Variants in YEATS2 observed in about 807,000 individuals in gnomAD.
YEATS2 encodes YEATS domain-containing protein 2.
A neutral mutation model predicts 163.2 loss-of-function variants in YEATS2; 77 were observed. The observed-to-expected ratio is 0.47, with a 90% CI of 0.39 to 0.57. The LOEUF (loss-of-function observed/expected upper bound fraction) is 0.57. Ranked by LOEUF, YEATS2 falls within the 20% of genes least tolerant of loss-of-function variation. The probability of loss-of-function intolerance (pLI) is 0.00; values close to 1 mark genes in which losing one functional copy is unlikely to be tolerated. For missense variants in YEATS2, 1,549 were observed against 1,729.8 expected (o/e 0.90, Z 1.85); for synonymous variants, 631 against 645.1 (o/e 0.98, Z 0.33).
Position 183,737,450 on chromosome 3 carries a change from T to C in YEATS2, c.924+621T>C, listed in dbSNP as rs1381896592. Among the ~76,000 whole-genome samples the C allele has an allele frequency of 3.9e-5, 6 of 152,222 alleles. No homozygotes were observed. In the East Asian group the frequency reaches 9.6e-4, roughly 24 times the overall value. ...CCATCAGAGAGAGAGAGAATCACTT[T>C]AGAGGACAATGCATATCCTTTAAAA... On this transcript the variant is annotated intron_variant, in intron 8 of 30. Coordinates refer to ENST00000305135, the MANE Select transcript of YEATS2 (RefSeq NM_018023.5).
chr3:183,777,540 A>G lies in YEATS2; in HGVS notation c.2578-2A>G. 6.2e-7 allele frequency: 1 copy of G among 1,611,774 alleles called. No homozygotes were observed. The highest frequency in any genetic ancestry group is 8.5e-7 in the Non-Finnish European group (1 of 1,179,360). On this transcript the variant is annotated splice_acceptor_variant, in intron 18 of 30. Transcript: ENST00000305135. LOFTEE classifies it high-confidence loss of function. ...AGTTCTTTATATTTTTTTCTAACTT[A>G]GGGCACATTTTTAGTTGGCCAGCCA... is the stretch of plus-strand genomic sequence containing the variant.
In YEATS2 at chr3:183,810,678, G is replaced by A; in HGVS notation, c.*95G>A. The A allele has an allele frequency of 8.6e-7, 1 of 1,160,460 alleles. No homozygotes were observed. The highest frequency in any genetic ancestry group is 1.3e-5 in the South Asian group (1 of 75,220). 71.9% of individuals were successfully genotyped at this position (1,160,460 alleles called of 1,614,324 possible). A position where few individuals can be genotyped will look rare whatever the true frequency, so the allele number is the denominator to read the frequency against. ...TCGGGAAGGAGGTGGTTTCCAGTGT[G>A]ACTCGGCATGTCATGGCTACCCAAC... On this transcript the variant is annotated 3_prime_UTR_variant, in exon 31 of 31. Coordinates refer to ENST00000305135, the MANE Select transcript of YEATS2 (RefSeq NM_018023.5).
At position 183,806,420 on chromosome 3, in the gene YEATS2, C is replaced by G. The variant is rs1457109990; in HGVS notation, c.3785-446C>G. The stretch of plus-strand genomic sequence containing the variant: ...CCTGATTAGGTTTTGTATAAATCAC[C>G]TTATTAGAGACTGGACCCATAATAT... On this transcript the variant is annotated intron_variant, in intron 27 of 30. Transcript: ENST00000305135. The G allele has an allele frequency of 8.8e-6, 4 of 456,758 alleles. No homozygotes were observed. The Admixed American group carries it at 9.4e-5, about 11-fold the overall frequency. The allele number at this position is 456,758 out of a possible 1,614,324, so 28.3% of individuals were successfully genotyped here.
intron 1 of YEATS2, among the ~76,000 whole-genome samples, chr3:183,699,298 A>G (rs2108944673): frequency 6.6e-6 from 1 of 151,958 alleles, no homozygotes; most frequent in South Asian, 2.1e-4. Context: ...AGGTGGGAAA[A>G]ACGAATTCTA....
rs116087641 is a variant in YEATS2, at chr3:183,702,004, A to G, written c.-20+4011A>G. ...CTGAACATCTCACAGTTACTTTCCA[A>G]TGGGCTCATATTTCACCTCTACCTT... On this transcript the variant is annotated intron_variant, in intron 1 of 30. Coordinates refer to ENST00000305135, the MANE Select transcript of YEATS2 (RefSeq NM_018023.5). Among the ~76,000 whole-genome samples the G allele has an allele frequency of 6.4e-3, 974 of 152,270 alleles. 6 individuals carry two copies. The highest frequency in any genetic ancestry group is 0.021 in the African/African-American group (889 of 41,536).
At chr3:183,773,876 C>G in intron 17 of YEATS2, 82 bp downstream of exon 17, 2 of 1,456,246 alleles carry the variant, frequency 1.4e-6, no homozygotes, top group Non-Finnish European at 1.8e-6. Context: ...GCAGTTCTTA[C>G]CTGTTTCAGG....
At chr3:183,793,177 T>A (rs1724821524) in intron 21 of YEATS2, 5 of 1,287,718 alleles carry the variant, frequency 3.9e-6, no homozygotes, top group Admixed American at 2.3e-5. Flanking sequence ...ATCACCGAGA[T>A]ACACACACAC....
At chr3:183,752,512 A>G (rs1381953286) in intron 10 of YEATS2, among the ~76,000 whole-genome samples, 1 of 151,966 alleles carries the variant, frequency 6.6e-6, no homozygotes, top group African/African-American at 2.4e-5. Flanking sequence ...GATTAAGACC[A>G]TCCTGACTAA....
chr3:183,775,074 C>A (rs1283677608), intron 17 of YEATS2, among the ~76,000 whole-genome samples: 1 of 151,938 alleles, frequency 6.6e-6, no homozygotes, highest in Non-Finnish European at 1.5e-5. Flanking sequence ...CATTATCTCA[C>A]CAAAAGAGAA....
chr3:183,767,064 A>G lies in YEATS2; in HGVS notation c.1947+4785A>G, dbSNP rs79777294. On this transcript the variant is annotated intron_variant, in intron 15 of 30. Transcript: ENST00000305135. ...TTACACCTTCTTAGTGGTGTCCATA[A>G]TCAGCTGCAGAGTTTTTCCCAACAG... Among the ~76,000 whole-genome samples, 587 of 152,310 alleles carry G rather than the reference A, an allele frequency of 3.9e-3. 4 individuals carry two copies. The highest frequency in any genetic ancestry group is 0.014 in the African/African-American group (562 of 41,558).
At chr3:183,791,087 G>A (rs748507964) in intron 21 of YEATS2, 107 bp downstream of exon 21, 52 of 1,429,784 alleles carry the variant, frequency 3.6e-5, no homozygotes, top group Middle Eastern at 2.0e-4. Flanking sequence ...AAGCTAGAGT[G>A]CAATATCACA....
chr3:183,751,181 G>A (rs972555780), intron 9 of YEATS2, among the ~76,000 whole-genome samples: 1 of 152,116 alleles, frequency 6.6e-6, no homozygotes, highest in African/African-American at 2.4e-5. Context: ...AGTTTCCCTG[G>A]CACCATTTGC....
chr3:183,803,302 T>C lies in YEATS2; in HGVS notation c.3549T>C (p.Tyr1183=), dbSNP rs745444887. 6.2e-7 allele frequency: 1 copy of C among 1,611,892 alleles called. No individual in the cohort carries two copies. The highest frequency in any genetic ancestry group is 8.5e-7 in the Non-Finnish European group (1 of 1,179,856). ...CTGCAAAGTCTGTGGAGCAGTACTA[T>C]GGCTGGAACATTGGAAAAAGGAGAG... ...CFSAKSVEQY[Y]GWNIGKRRAA... Residue 1183 remains tyrosine, a synonymous_variant, in exon 26 of 31, where the codon TAT becomes TAC. Coordinates refer to ENST00000305135, the MANE Select transcript of YEATS2 (RefSeq NM_018023.5).
chr3:183,760,630 A>G (rs1721250340), intron 13 of YEATS2, among the ~76,000 whole-genome samples: 1 of 152,168 alleles, frequency 6.6e-6, no homozygotes, highest in South Asian at 2.1e-4. Flanking sequence ...CCAGAACTAC[A>G]GAAGTTTTGA....
At chr3:183,712,389 T>G (rs1715365333) in intron 1 of YEATS2, among the ~76,000 whole-genome samples, 1 of 151,394 alleles carries the variant, frequency 6.6e-6, no homozygotes. Flanking sequence ...TTTTGTATTT[T>G]TAGTAGAGAC....
intron 10 of YEATS2, among the ~76,000 whole-genome samples, chr3:183,753,274 A>G (rs529928350): frequency 1.3e-5 from 2 of 152,340 alleles, no homozygotes; most frequent in South Asian, 2.1e-4. Flanking sequence ...TAACAAATAT[A>G]TGTGTATAAA....
chr3:183,734,970 A>C (rs1718186589), intron 7 of YEATS2, among the ~76,000 whole-genome samples: 1 of 152,152 alleles, frequency 6.6e-6, no homozygotes, highest in South Asian at 2.1e-4. Flanking sequence ...CATTTCCATA[A>C]ATAGTGTTGT....
Position 183,772,461 on chromosome 3 carries a change from G to A in YEATS2, c.2104G>A (p.Val702Met). ...AACCCAAGGAGTTGCCAAAGCAATT[G>A]TGAGTGGAGGTGGAGGAACCATTGT... ...VVTQGVAKAI[V>M]SGGGGTIVAQ... is the part of the protein sequence containing the mutation. Residue 702 changes from valine (V) to methionine (M), a missense_variant, in exon 16 of 31, where the codon GTG (valine) becomes ATG (methionine). Coordinates refer to ENST00000305135, the MANE Select transcript of YEATS2 (RefSeq NM_018023.5). 6.2e-7 allele frequency: 1 copy of A among 1,614,154 alleles called. No homozygotes were observed. The highest frequency in any genetic ancestry group is 8.5e-7 in the Non-Finnish European group (1 of 1,180,004).
chr3:183,731,937 A>G (rs1168758239), intron 7 of YEATS2, among the ~76,000 whole-genome samples: 1 of 152,088 alleles, frequency 6.6e-6, no homozygotes, highest in Non-Finnish European at 1.5e-5. Context: ...TATTAACAAC[A>G]ATGTTAGGAT....
Sources: gnomAD v4.1 joint callset for allele counts (sites outside exome capture counted in the v4.1 genomes callset) on GRCh38, gnomAD v4.1.1 for gene constraint, MANE v1.5 for transcripts, NCBI Gene and HGNC (gene_info 2026-07-23, HGNC 2026-07-21) for gene names.